The following FBXL7 variants were observed in gnomAD, a reference collection of about 807,000 sequenced individuals.
The protein encoded by FBXL7 is F-box/LRR-repeat protein 7.
In FBXL7, 12 loss-of-function variants were observed where a neutral mutation model predicts 38.3. That is an observed-to-expected ratio of 0.31 (90% CI 0.20 to 0.51). FBXL7 has a LOEUF of 0.51. Ranked by LOEUF, FBXL7 falls within the 20% of genes least tolerant of loss-of-function variation. The pLI is 0.98. For missense variants in FBXL7, 567 were observed against 676.4 expected (o/e 0.84, Z 1.79); for synonymous variants, 297 against 300.9 (o/e 0.99, Z 0.13).
At chr5:15,831,087 G>A (rs919125442) in intron 2 of FBXL7, among the ~76,000 whole-genome samples, 1 of 152,136 alleles carries the variant, frequency 6.6e-6, no homozygotes, top group Non-Finnish European at 1.5e-5. Context: ...CACTTACAAG[G>A]TTAACTGGCA....
At chr5:15,888,873 T>G (rs985253958) in intron 2 of FBXL7, among the ~76,000 whole-genome samples, 1 of 152,190 alleles carries the variant, frequency 6.6e-6, no homozygotes, top group Non-Finnish European at 1.5e-5. Context: ...TTTAAAGAGA[T>G]AATCTAGACA....
chr5:15,599,051 T>G (rs1739711120), intron 1 of FBXL7, among the ~76,000 whole-genome samples: 1 of 152,188 alleles, frequency 6.6e-6, no homozygotes, highest in South Asian at 2.1e-4. Context: ...TCTCTGTTTC[T>G]CTGTGCTCAG....
At chr5:15,559,867 T>C (rs1222114721) in intron 1 of FBXL7, among the ~76,000 whole-genome samples, 1 of 152,196 alleles carries the variant, frequency 6.6e-6, no homozygotes, top group Non-Finnish European at 1.5e-5. Flanking sequence ...ACATTAAGTT[T>C]TATGTGTTTC....
At chr5:15,613,820 G>T (rs1740341357) in intron 1 of FBXL7, among the ~76,000 whole-genome samples, 1 of 152,062 alleles carries the variant, frequency 6.6e-6, no homozygotes, top group Non-Finnish European at 1.5e-5. Flanking sequence ...ATAGACTGGG[G>T]GGCTTATAAA....
intron 2 of FBXL7, among the ~76,000 whole-genome samples, chr5:15,880,713 A>G (rs1176211110): frequency 3.1e-5 from 2 of 65,410 alleles, no homozygotes; most frequent in African/African-American, 1.2e-4. Context: ...TATAATATAT[A>G]TACTATATTA....
chr5:15,763,109 T>C (rs1394657), intron 2 of FBXL7, among the ~76,000 whole-genome samples: 107,817 of 152,072 alleles, frequency 0.71, 39,024 homozygotes, highest in East Asian at 0.83. Flanking sequence ...GGTTTCTAAT[T>C]TCTTGTGGAC....
intron 1 of FBXL7, among the ~76,000 whole-genome samples, chr5:15,522,699 G>A (rs372794081): frequency 9.8e-5 from 15 of 152,300 alleles, no homozygotes; most frequent in Middle Eastern, 3.4e-3. Flanking sequence ...TATGATGAGC[G>A]TGTGAAAGAA....
chr5:15,789,722 A>G (rs1194226693), intron 2 of FBXL7, among the ~76,000 whole-genome samples: 1 of 152,018 alleles, frequency 6.6e-6, no homozygotes, highest in East Asian at 1.9e-4. Context: ...CCATCACTTC[A>G]ATTTGGAGCC....
intron 2 of FBXL7, among the ~76,000 whole-genome samples, chr5:15,726,691 A>AAAATAAATAAATAAATAAATAAAT (rs55752648): frequency 7.1e-6 from 1 of 141,386 alleles, no homozygotes; most frequent in African/African-American, 2.6e-5. Context: ...ACTCCATCTC[A>AAAATAAATAAATAAATAAATAAAT]AAATAAATAA....
In FBXL7 at chr5:15,895,784, C is replaced by T. The variant is rs1476694150; in HGVS notation, c.128-32106C>T. Among the ~76,000 whole-genome samples the T allele has an allele frequency of 3.3e-5, 5 of 151,294 alleles. No homozygotes were observed. In the East Asian group the frequency reaches 7.8e-4, roughly 24 times the overall value. ...TCAGCCTCCCTAGTAGCTGGGACTA[C>T]AGGTGCCCGCCACCACGCCTGGCTA... On this transcript the variant is annotated intron_variant, in intron 2 of 3. Transcript: ENST00000504595.
chr5:15,562,742 C>T (rs912569083), intron 1 of FBXL7, among the ~76,000 whole-genome samples: 1 of 152,044 alleles, frequency 6.6e-6, no homozygotes, highest in African/African-American at 2.4e-5. Context: ...TTCCCTCTTT[C>T]TTTCACACAT....
chr5:15,526,723 C>T (rs1339740942), intron 1 of FBXL7, among the ~76,000 whole-genome samples: 3 of 152,168 alleles, frequency 2.0e-5, no homozygotes, highest in African/African-American at 7.2e-5. Flanking sequence ...AGTATGAACA[C>T]ATCATCCTCT....
chr5:15,904,697 T>G (rs1741312960), intron 2 of FBXL7, among the ~76,000 whole-genome samples: 1 of 152,142 alleles, frequency 6.6e-6, no homozygotes. Flanking sequence ...CTATTTCATA[T>G]ATATTTGGCT....
chr5:15,614,265 T>G (rs1222999519), intron 1 of FBXL7, among the ~76,000 whole-genome samples: 1 of 147,546 alleles, frequency 6.8e-6, no homozygotes, highest in East Asian at 1.9e-4. Context: ...TTTTCTTTTC[T>G]TTTCTTTTCT....
chr5:15,741,739 G>T (rs1212465079), intron 2 of FBXL7, among the ~76,000 whole-genome samples: 1 of 152,152 alleles, frequency 6.6e-6, no homozygotes, highest in Non-Finnish European at 1.5e-5. Context: ...TAAGGAAAAT[G>T]AAACTATTCT....
rs1184427745 is a variant in FBXL7 at position 15,674,592 on chromosome 5, G to C, written c.127+58520G>C. On this transcript the variant is annotated intron_variant, in intron 2 of 3. Transcript: ENST00000504595. ...ACAAAGTTCATTATCATAACTCATA[G>C]GGTTTGTAATTTTACTGTTTGGGTT... Among the ~76,000 whole-genome samples the C allele has an allele frequency of 2.0e-5, 3 of 152,096 alleles. No homozygotes were observed. The South Asian group carries it at 6.2e-4, about 32-fold the overall frequency.
intron 2 of FBXL7, among the ~76,000 whole-genome samples, chr5:15,813,249 C>T (rs1226219608): frequency 1.3e-5 from 2 of 152,054 alleles, no homozygotes; most frequent in Non-Finnish European, 2.9e-5. Context: ...TGGAACAGAA[C>T]AGATGCCTCA....
At chr5:15,535,549 G>A (rs1049191860) in intron 1 of FBXL7, among the ~76,000 whole-genome samples, 5 of 152,172 alleles carry the variant, frequency 3.3e-5, no homozygotes, top group Non-Finnish European at 7.3e-5. Flanking sequence ...TTGCCCTGGC[G>A]CTAGAGATCT....
chr5:15,641,941 TTGTGTGTGTGTGTGTGTGTGTG>T (rs199980981), intron 2 of FBXL7, among the ~76,000 whole-genome samples: 1 of 141,616 alleles, frequency 7.1e-6, no homozygotes, highest in African/African-American at 2.6e-5. Flanking sequence ...ACATAAAACC[TTGTGTGTGTGTGTGTGTGTGTG>T]TGTGTGTGTG....
Sources: allele counts gnomAD v4.1 joint callset (sites outside exome capture counted in the v4.1 genomes callset), GRCh38; gene constraint gnomAD v4.1.1; transcripts MANE v1.5; gene names NCBI Gene and HGNC (gene_info 2026-07-23, HGNC 2026-07-21).